Variants in ZNF835 observed in about 807,000 individuals in gnomAD.
ZNF835 encodes the protein zinc finger protein 835.
For synonymous variants in ZNF835, 323 were observed against 324.7 expected, an observed-to-expected ratio of 0.99 and a Z score of 0.06; for missense variants, 783 against 758.4, an observed-to-expected ratio of 1.03 and a Z score of -0.38.
intron 1 of ZNF835, 71 bp from the exon 2 acceptor site, chr19:56,665,316 C>T (rs956070994): frequency 2.3e-5 from 32 of 1,386,794 alleles, no homozygotes; most frequent in Non-Finnish European, 3.1e-5. Context: ...TGGCTAACAG[C>T]TGAACTGGTA....
At chr19:56,665,467 C>T in intron 1 of ZNF835, 1 of 699,888 alleles carries the variant, frequency 1.4e-6, no homozygotes, top group Non-Finnish European at 2.7e-6. Flanking sequence ...AGGGACACTA[C>T]CCCTCAACCC....
chr19:56,665,491 A>C, intron 1 of ZNF835: 1 of 650,298 alleles, frequency 1.5e-6, no homozygotes. Context: ...AGTTGTAACA[A>C]TGAAAAATGT....
chr19:56,669,438 G>A (rs1029438117), intron 1 of ZNF835, among the ~76,000 whole-genome samples: 2 of 152,172 alleles, frequency 1.3e-5, no homozygotes, highest in Non-Finnish European at 2.9e-5. Flanking sequence ...AGGAGGTAGG[G>A]GCTGGCTGAA....
At position 56,664,391 on chromosome 19, in the gene ZNF835, G is replaced by T. The variant is rs1490021043; in HGVS notation, c.808C>A (p.Arg270Ser). 2 of 1,611,252 alleles carry T rather than the reference G, an allele frequency of 1.2e-6. No individual in the cohort carries two copies. Among genetic ancestry groups the T allele is most frequent in the East Asian group, 4.5e-5 (2 of 44,762 alleles). Residue 270 changes from arginine (R) to serine (S), a missense_variant, in exon 2 of 2, where the codon CGC becomes AGC. Coordinates refer to ENST00000537055, the MANE Select transcript of ZNF835 (RefSeq NM_001005850.3). Reference protein sequence around the residue: ...RFSSALIRHQRIHTEEKPYRC... With the variant: ...RFSSALIRHQSIHTEEKPYRC... ...TAGGGCTTCTCCTCCGTGTGGATGCGCTGGTGGCGGATGAGCGCTGAGGAG... is the reference window on the plus strand; with the variant it reads ...TAGGGCTTCTCCTCCGTGTGGATGCTCTGGTGGCGGATGAGCGCTGAGGAG...
chr19:56,664,055 G>C lies in ZNF835; in HGVS notation c.1144C>G (p.Leu382Val), dbSNP rs2045213858. 6.2e-7 allele frequency: 1 copy of C among 1,609,160 alleles called. No homozygotes were observed. The highest frequency in any genetic ancestry group is 1.4e-5 in the African/African-American group (1 of 73,992). Residue 382 changes from leucine (L) to valine (V), a missense_variant, in exon 2 of 2, where the codon CTC (leucine) becomes GTC (valine). By Grantham distance (32) the Leu-to-Val change is conservative. Transcript: ENST00000537055. ...SNRSHLLQHRLVHTGERPYRC... is the reference protein window; with the variant it reads ...SNRSHLLQHRVVHTGERPYRC... ...TAGGGCCGCTCACCGGTGTGCACGA[G>C]GCGGTGCTGGAGGAGGTGGGAGCGG...
At chr19:56,669,180 C>G (rs963852854) in intron 1 of ZNF835, among the ~76,000 whole-genome samples, 1 of 152,112 alleles carries the variant, frequency 6.6e-6, no homozygotes, top group Non-Finnish European at 1.5e-5. Flanking sequence ...CAGGGACATG[C>G]TTTATTTACG....
At chr19:56,668,975 A>G (rs1047025885) in intron 1 of ZNF835, among the ~76,000 whole-genome samples, 8 of 152,082 alleles carry the variant, frequency 5.3e-5, no homozygotes, top group Non-Finnish European at 1.2e-4. Flanking sequence ...AAGGAGCCCA[A>G]GGGGAGACAC....
At position 56,664,836 on chromosome 19, in the gene ZNF835, G is replaced by T. The variant is rs760291828; in HGVS notation, c.363C>A (p.Tyr121Ter). The change falls in exon 2 of 2, where the codon TAC becomes TAA. Residue 121 changes from tyrosine (Y) to a stop codon, truncating the protein, a stop_gained. Coordinates refer to ENST00000537055, the MANE Select transcript of ZNF835 (RefSeq NM_001005850.3). LOFTEE classifies it low-confidence loss of function (END_TRUNC). ...TCTGGTGTAAGATGAACGCTGAACAGTAGCTGAAGGCCTTCCCGCAGTCCC... is the reference window on the plus strand; with the variant it reads ...TCTGGTGTAAGATGAACGCTGAACATTAGCTGAAGGCCTTCCCGCAGTCCC... Reference protein sequence around the residue: ...KCGDCGKAFSYCSAFILHQRI... With the variant: ...KCGDCGKAFS 2.4e-5 allele frequency: 38 copies of T among 1,611,172 alleles called. No individual in the cohort carries two copies. The highest frequency in any genetic ancestry group is 3.0e-5 in the Non-Finnish European group (35 of 1,177,788).
Position 56,664,081 on chromosome 19 carries a change from T to C in ZNF835, c.1118A>G (p.Asn373Ser). The C allele has an allele frequency of 5.0e-6, 8 of 1,599,636 alleles. No homozygotes were observed. Among genetic ancestry groups the C allele is most frequent in the Non-Finnish European group, 6.8e-6 (8 of 1,170,312 alleles). Residue 373 changes from asparagine to serine, a missense_variant, in exon 2 of 2, where the codon AAC (asparagine) becomes AGC (serine). Physicochemically the swap from Asn to Ser is conservative, Grantham distance 46. Transcript: ENST00000537055. ...PCHDCGKRFSNRSHLLQHRLV... is the reference protein window; with the variant it reads ...PCHDCGKRFSSRSHLLQHRLV... Reference sequence around the variant, plus strand: ...GCGGTGCTGGAGGAGGTGGGAGCGGTTGCTGAAGCGCTTGCCGCAGTCGTG... The same window carrying C: ...GCGGTGCTGGAGGAGGTGGGAGCGGCTGCTGAAGCGCTTGCCGCAGTCGTG...
intron 1 of ZNF835, among the ~76,000 whole-genome samples, chr19:56,665,761 C>T (rs954427133): frequency 1.3e-5 from 2 of 152,194 alleles, no homozygotes; most frequent in Non-Finnish European, 2.9e-5. Flanking sequence ...AGTGATCACA[C>T]TACTGCACTC....
intron 1 of ZNF835, among the ~76,000 whole-genome samples, chr19:56,670,597 C>T (rs2148059637): frequency 6.6e-6 from 1 of 152,290 alleles, no homozygotes; most frequent in Non-Finnish European, 1.5e-5. Context: ...CACAAGGTCA[C>T]ACATGCCACC....
In ZNF835 at chr19:56,664,981, C is replaced by T; in HGVS notation, c.218G>A (p.Ser73Asn). ...TISSPAATQA[S>N]VPDDSSSRRC... ...CCGGGAACTGCTGTCGTCGGGGACA[C>T]TGGCTTGGGTAGCAGCAGGGCTCGA... Residue 73 changes from serine (S) to asparagine (N), a missense_variant, in exon 2 of 2, where the codon AGT (serine) becomes AAT (asparagine). Ser to Asn is a conservative substitution (Grantham distance 46). Coordinates refer to ENST00000537055, the MANE Select transcript of ZNF835 (RefSeq NM_001005850.3). The T allele has an allele frequency of 1.9e-6, 3 of 1,614,054 alleles. No homozygotes were observed. Among genetic ancestry groups the T allele is most frequent in the Non-Finnish European group, 2.5e-6 (3 of 1,179,900 alleles).
intron 1 of ZNF835, among the ~76,000 whole-genome samples, chr19:56,666,121 TA>T (rs377150981): frequency 1.3e-5 from 2 of 151,720 alleles, no homozygotes; most frequent in African/African-American, 2.4e-5. Context: ...GGGACTGTTT[TA>T]TTTTTTTTTT....
intron 1 of ZNF835, among the ~76,000 whole-genome samples, chr19:56,670,212 C>T (rs2045277066): frequency 6.6e-6 from 1 of 152,106 alleles, no homozygotes. Flanking sequence ...TTGCAGAAGA[C>T]ACTCCTTCTA....
chr19:56,664,917 A>C lies in ZNF835; in HGVS notation c.282T>G (p.His94Gln). Reference protein sequence around the residue: ...SAPGESPKERHPDSRQRERGG... With the variant: ...SAPGESPKERQPDSRQRERGG... ...CTCTCTCCCGCTGGCGGCTGTCAGG[A>C]TGCCTCTCCTTCGGGCTCTCCCCAG... The change falls in exon 2 of 2, where the codon CAT (histidine) becomes CAG (glutamine). Residue 94 changes from histidine (H) to glutamine (Q), a missense_variant. Coordinates refer to ENST00000537055, the MANE Select transcript of ZNF835 (RefSeq NM_001005850.3). The C allele has an allele frequency of 1.2e-6, 2 of 1,613,914 alleles. No individual in the cohort carries two copies. The highest frequency in any genetic ancestry group is 2.2e-5 in the South Asian group (2 of 91,052).
chr19:56,665,147 A>G lies in ZNF835; in HGVS notation c.52T>C (p.Trp18Arg), dbSNP rs1039624605. Residue 18 changes from tryptophan to arginine, a missense_variant, in exon 2 of 2, where the codon TGG (tryptophan) becomes CGG (arginine). Coordinates refer to ENST00000537055, the MANE Select transcript of ZNF835 (RefSeq NM_001005850.3). ...ALQGAELEGN[W>R]KHEGQVEDLQ... ...TCCTCAACCTGGCCCTCGTGTTTCC[A>G]GTTTCCTTCCAACTCTGCGCCCTGG... 6.2e-6 allele frequency: 10 copies of G among 1,613,788 alleles called. No homozygotes were observed. In the Admixed American group the frequency reaches 1.2e-4, roughly 19 times the overall value.
intron 1 of ZNF835, among the ~76,000 whole-genome samples, chr19:56,667,178 C>T (rs953448647): frequency 1.3e-5 from 2 of 152,242 alleles, no homozygotes; most frequent in Non-Finnish European, 2.9e-5. Flanking sequence ...ATAGTTACTT[C>T]TAGTGGGGCT....
chr19:56,665,761 C>G (rs954427133), intron 1 of ZNF835, among the ~76,000 whole-genome samples: 1 of 152,194 alleles, frequency 6.6e-6, no homozygotes, highest in African/African-American at 2.4e-5. Context: ...AGTGATCACA[C>G]TACTGCACTC....
Position 56,665,015 on chromosome 19 carries a change from T to C in ZNF835, c.184A>G (p.Arg62Gly). 1 of 1,614,064 alleles carries C rather than the reference T, an allele frequency of 6.2e-7. No individual in the cohort carries two copies. The highest frequency in any genetic ancestry group is 8.5e-7 in the Non-Finnish European group (1 of 1,179,896). The change falls in exon 2 of 2, where the codon AGA (arginine) becomes GGA (glycine). Residue 62 changes from arginine (R) to glycine (G), a missense_variant. Arg to Gly is a moderately radical substitution (Grantham distance 125). Transcript: ENST00000537055. ...QERDEFSRIP[R>G]TISSPAATQA... ...GTAGCAGCAGGGCTCGATATGGTTCTTGGGATTCGGCTGAATTCATCGCGT... is the reference window on the plus strand; with the variant it reads ...GTAGCAGCAGGGCTCGATATGGTTCCTGGGATTCGGCTGAATTCATCGCGT...
Sources: gnomAD v4.1 joint callset for allele counts (sites outside exome capture counted in the v4.1 genomes callset) on GRCh38, gnomAD v4.1.1 for gene constraint, MANE v1.5 for transcripts, NCBI Gene and HGNC (gene_info 2026-07-23, HGNC 2026-07-21) for gene names.